The following AFF3 variants were observed in gnomAD, a reference collection of about 807,000 sequenced individuals.
AFF3 encodes AF4/FMR2 family member 3.
AFF3 carries 32 observed loss-of-function variants against 129.7 expected under a neutral mutation model. The ratio of observed to expected loss-of-function variants is 0.25; its 90% CI spans 0.19 to 0.33. The LOEUF (loss-of-function observed/expected upper bound fraction) is 0.33. Ranked by LOEUF, AFF3 falls within the 10% of genes least tolerant of loss-of-function variation. The pLI is 1.00. For synonymous variants in AFF3, 644 were observed against 635.4 expected (o/e 1.01, Z -0.20); for missense variants, 1,373 against 1,592.0 (o/e 0.86, Z 2.34).
intron 4 of AFF3, among the ~76,000 whole-genome samples, chr2:100,043,889 G>A (rs1685624099): frequency 6.6e-6 from 1 of 152,190 alleles, no homozygotes; most frequent in Admixed American, 6.5e-5. Flanking sequence ...CTTCATTTCT[G>A]CATATGAAGC....
intron 8 of AFF3, among the ~76,000 whole-genome samples, chr2:99,810,209 G>A (rs1172452452): frequency 6.6e-6 from 1 of 152,194 alleles, no homozygotes; most frequent in Non-Finnish European, 1.5e-5. Flanking sequence ...GATGGATAAC[G>A]TGAAGTGGAA....
chr2:100,008,726 C>A (rs573315404), intron 5 of AFF3, 86 bp downstream of exon 5: 11 of 1,479,958 alleles, frequency 7.4e-6, no homozygotes, highest in Middle Eastern at 1.8e-4. Flanking sequence ...CAAGTTTGGT[C>A]GGCCAATTCT....
chr2:99,972,682 A>T (rs1335661245), intron 7 of AFF3, among the ~76,000 whole-genome samples: 1 of 152,236 alleles, frequency 6.6e-6, no homozygotes, highest in Non-Finnish European at 1.5e-5. Flanking sequence ...AAGTCAGCAA[A>T]TGAATAAGAT....
intron 7 of AFF3, among the ~76,000 whole-genome samples, chr2:99,898,655 C>T (rs1243925877): frequency 1.3e-5 from 2 of 152,168 alleles, no homozygotes; most frequent in East Asian, 1.9e-4. Context: ...TGCCATGGGT[C>T]GCCTCTGGCC....
At position 99,695,938 on chromosome 2, in the gene AFF3, GAAAA is replaced by G. The variant is rs10719354; in HGVS notation, c.1092-23353_1092-23350del. ...TGAAAAGATTACTTACTGGAAAAATGAAAAAAAAAAAAAAAAAAAAAACCAAAAG... is the reference window on the plus strand; with the variant it reads ...TGAAAAGATTACTTACTGGAAAAATGAAAAAAAAAAAAAAAAAACCAAAAG... On this transcript the variant is annotated intron_variant, in intron 11 of 24. Coordinates refer to ENST00000672756, the MANE Select transcript of AFF3 (RefSeq NM_001386135.1). 9.3e-3 allele frequency among the ~76,000 whole-genome samples: 534 copies of G among 57,684 alleles called. 1 individual carries two copies. Among genetic ancestry groups the G allele is most frequent in the African/African-American group, 0.036 (496 of 13,966 alleles). The allele number at this position is 57,684 out of a possible 152,430, so 37.8% of individuals were successfully genotyped here. A position where few individuals can be genotyped will look rare whatever the true frequency, so the allele number is the denominator to read the frequency against.
At chr2:99,769,565 G>T (rs1018469616) in intron 8 of AFF3, among the ~76,000 whole-genome samples, 2 of 152,096 alleles carry the variant, frequency 1.3e-5, no homozygotes, top group African/African-American at 4.8e-5. Context: ...AGATGTCACC[G>T]GTGTTTGGGC....
intron 4 of AFF3, among the ~76,000 whole-genome samples, chr2:100,036,303 C>T (rs775663748): frequency 3.9e-5 from 6 of 152,182 alleles, no homozygotes; most frequent in East Asian, 1.9e-4. Context: ...ATTGCCCACA[C>T]GTTACCCTAG....
At chr2:99,556,309 G>C (rs1333237272) in intron 22 of AFF3, among the ~76,000 whole-genome samples, 1 of 152,182 alleles carries the variant, frequency 6.6e-6, no homozygotes, top group Middle Eastern at 3.2e-3. Flanking sequence ...GCCGGGTGTG[G>C]TGGCACACGC....
chr2:99,682,769 A>G (rs1401063049), intron 11 of AFF3, among the ~76,000 whole-genome samples: 13 of 152,196 alleles, frequency 8.5e-5, no homozygotes, highest in Admixed American at 7.9e-4. Context: ...AAATGTTGCC[A>G]GTGAGAGGCA....
intron 20 of AFF3, among the ~76,000 whole-genome samples, chr2:99,564,611 A>G (rs1377021365): frequency 6.6e-6 from 1 of 152,128 alleles, no homozygotes; most frequent in Non-Finnish European, 1.5e-5. Flanking sequence ...ACTGAGGGAA[A>G]GTGGTGTGTA....
intron 11 of AFF3, among the ~76,000 whole-genome samples, chr2:99,698,580 A>G (rs1332711357): frequency 6.6e-6 from 1 of 152,222 alleles, no homozygotes; most frequent in African/African-American, 2.4e-5. Context: ...GGTTCTGCCA[A>G]TAATTGCTAT....
chr2:99,923,915 C>T (rs933107263), intron 7 of AFF3, among the ~76,000 whole-genome samples: 2 of 151,946 alleles, frequency 1.3e-5, no homozygotes, highest in African/African-American at 4.8e-5. Context: ...AAATCAATAC[C>T]TACCTATAAA....
At chr2:99,716,906 A>G (rs770855757) in intron 11 of AFF3, among the ~76,000 whole-genome samples, 59 of 151,112 alleles carry the variant, frequency 3.9e-4, no homozygotes, top group African/African-American at 1.1e-3. Context: ...ATATATATAT[A>G]TCCCATCATG....
At chr2:99,693,785 C>T (rs1301022124) in intron 11 of AFF3, among the ~76,000 whole-genome samples, 1 of 152,172 alleles carries the variant, frequency 6.6e-6, no homozygotes, top group Non-Finnish European at 1.5e-5. Flanking sequence ...CTTATTCATA[C>T]ACTCAGGTTT....
intron 4 of AFF3, among the ~76,000 whole-genome samples, chr2:100,016,301 C>T (rs1559059911): frequency 7.6e-6 from 1 of 132,154 alleles, no homozygotes; most frequent in African/African-American, 3.0e-5. Flanking sequence ...ATGGTGGTGG[C>T]AGCGATGGTG....
intron 4 of AFF3, among the ~76,000 whole-genome samples, chr2:100,053,383 TG>T (rs1686510511): frequency 6.6e-6 from 1 of 152,232 alleles, no homozygotes; most frequent in Admixed American, 6.5e-5. Context: ...TGAAAACACA[TG>T]GGGGCATTAC....
Position 99,558,888 on chromosome 2 carries a change from A to G in AFF3, c.3272T>C (p.Ile1091Thr), listed in dbSNP as rs1472289715. 10 of 1,614,036 alleles carry G rather than the reference A, an allele frequency of 6.2e-6. No homozygotes were observed. Among genetic ancestry groups the G allele is most frequent in the Non-Finnish European group, 5.9e-6 (7 of 1,179,896 alleles). The change falls in exon 22 of 25, where the codon ATC becomes ACC. Residue 1091 changes from isoleucine (I) to threonine (T), a missense_variant. Coordinates refer to ENST00000672756, the MANE Select transcript of AFF3 (RefSeq NM_001386135.1). ...ACTAGACAGTACCTTGAAATAGTCG[A>G]TTAGTGCTTTTGAATACTTTACAGC... is the stretch of plus-strand genomic sequence containing the variant. The part of the protein sequence containing the change: ...DHAVKYSKAL[I>T]DYFKNSSKAA...
intron 4 of AFF3, among the ~76,000 whole-genome samples, chr2:100,041,789 C>T (rs999458896): frequency 2.6e-5 from 4 of 152,128 alleles, no homozygotes; most frequent in Admixed American, 2.0e-4. Flanking sequence ...TTGCATAAAA[C>T]ATTTCTTTTA....
intron 17 of AFF3, among the ~76,000 whole-genome samples, chr2:99,581,227 C>G (rs13006709): frequency 0.014 from 2,109 of 152,312 alleles, 25 homozygotes; most frequent in South Asian, 0.038. Context: ...TAGTTCTCTG[C>G]GTATCATAGT....
Sources: allele counts gnomAD v4.1 joint callset (sites outside exome capture counted in the v4.1 genomes callset), GRCh38; gene constraint gnomAD v4.1.1; transcripts MANE v1.5; gene names NCBI Gene and HGNC (gene_info 2026-07-23, HGNC 2026-07-21).